The following IMPG1 variants were observed in gnomAD, a reference collection of about 807,000 sequenced individuals.
IMPG1 encodes interphotoreceptor matrix proteoglycan 1.
IMPG1 carries 85 observed loss-of-function variants against 92.0 expected under a neutral mutation model. That is an observed-to-expected ratio of 0.92 (90% CI 0.78 to 1.11). The LOEUF (loss-of-function observed/expected upper bound fraction) is 1.11, where lower values mean the gene tolerates loss of function less well. Ranked by LOEUF, IMPG1 falls within the 50% of genes least tolerant of loss-of-function variation. The pLI, the probability that IMPG1 is intolerant of heterozygous loss-of-function variation, is 0.00. For missense variants in IMPG1, 1,022 were observed against 956.0 expected, an observed-to-expected ratio of 1.07 and a Z score of -0.91; for synonymous variants, 367 against 334.1, an observed-to-expected ratio of 1.10 and a Z score of -1.08.
At chr6:76,064,611 G>T (rs980446150) in intron 1 of IMPG1, among the ~76,000 whole-genome samples, 21 of 152,082 alleles carry the variant, frequency 1.4e-4, no homozygotes, top group African/African-American at 5.1e-4. Context: ...CCTGCCATTG[G>T]GGTATCCAAG....
chr6:75,967,668 C>T (rs749925818), intron 12 of IMPG1, among the ~76,000 whole-genome samples: 4 of 151,862 alleles, frequency 2.6e-5, no homozygotes, highest in Non-Finnish European at 5.9e-5. Flanking sequence ...CAAAGGAAAG[C>T]TAAAGAAAAC....
intron 12 of IMPG1, among the ~76,000 whole-genome samples, chr6:75,955,912 G>A (rs1782112411): frequency 6.6e-6 from 1 of 152,172 alleles, no homozygotes; most frequent in South Asian, 2.1e-4. Flanking sequence ...TTATTGATTT[G>A]CGTATGTTGA....
chr6:75,970,495 T>C (rs1220484032), intron 12 of IMPG1, among the ~76,000 whole-genome samples: 4 of 152,174 alleles, frequency 2.6e-5, no homozygotes, highest in Non-Finnish European at 5.9e-5. Context: ...AAGAGCTCAG[T>C]CCCAATCATA....
intron 1 of IMPG1, among the ~76,000 whole-genome samples, chr6:76,065,444 C>G (rs1275392324): frequency 1.8e-4 from 28 of 151,934 alleles, no homozygotes; most frequent in Admixed American, 1.8e-3. Flanking sequence ...TTACAAAATG[C>G]TGTAAAAAGT....
intron 1 of IMPG1, among the ~76,000 whole-genome samples, chr6:76,069,853 C>T (rs367608707): frequency 6.6e-5 from 10 of 152,208 alleles, no homozygotes; most frequent in Middle Eastern, 3.4e-3. Flanking sequence ...AGCTGGAGAC[C>T]GCTATCCTAA....
intron 15 of IMPG1, among the ~76,000 whole-genome samples, chr6:75,924,199 T>G (rs572719774): frequency 6.6e-6 from 1 of 150,858 alleles, no homozygotes; most frequent in East Asian, 1.9e-4. Context: ...CTAAAGAAAT[T>G]AAAAATAGGA....
At chr6:75,951,370 AC>A (rs1782028358) in intron 12 of IMPG1, among the ~76,000 whole-genome samples, 1 of 152,118 alleles carries the variant, frequency 6.6e-6, no homozygotes, top group Admixed American at 6.6e-5. Flanking sequence ...GCACCAGTTA[AC>A]TAGAATTTCT....
At chr6:76,038,241 A>C (rs897441111) in intron 2 of IMPG1, among the ~76,000 whole-genome samples, 1 of 152,172 alleles carries the variant, frequency 6.6e-6, no homozygotes, top group African/African-American at 2.4e-5. Context: ...TCTTTCTCCT[A>C]CCACAGGACA....
intron 12 of IMPG1, among the ~76,000 whole-genome samples, chr6:75,960,727 T>C (rs1022350686): frequency 1.4e-4 from 22 of 152,202 alleles, no homozygotes; most frequent in African/African-American, 4.8e-4. Context: ...TTAGACATAG[T>C]AGTGACACAG....
intron 1 of IMPG1, among the ~76,000 whole-genome samples, chr6:76,057,475 C>T (rs77299793): frequency 6.6e-6 from 1 of 152,088 alleles, no homozygotes; most frequent in South Asian, 2.1e-4. Context: ...AGTGCTTCCT[C>T]AAAGTGGGGC....
At chr6:75,924,512 T>C (rs1208803148) in intron 15 of IMPG1, among the ~76,000 whole-genome samples, 2 of 71,040 alleles carry the variant, frequency 2.8e-5, no homozygotes, top group Non-Finnish European at 5.2e-5. Flanking sequence ...ATAATATAAT[T>C]AATATAATTA....
intron 15 of IMPG1, among the ~76,000 whole-genome samples, chr6:75,927,620 C>G (rs1026173074): frequency 1.3e-5 from 2 of 151,916 alleles, no homozygotes; most frequent in Non-Finnish European, 2.9e-5. Context: ...GGGGTTAATA[C>G]TTAACATTTA....
At chr6:75,995,327 T>C (rs575835802) in intron 12 of IMPG1, among the ~76,000 whole-genome samples, 1 of 152,322 alleles carries the variant, frequency 6.6e-6, no homozygotes, top group Admixed American at 6.5e-5. Context: ...TGAGGTGTCA[T>C]TGTTTTTCTT....
intron 12 of IMPG1, among the ~76,000 whole-genome samples, chr6:75,973,129 T>A (rs535399728): frequency 1.3e-5 from 2 of 152,144 alleles, no homozygotes; most frequent in Non-Finnish European, 2.9e-5. Flanking sequence ...GGGGACATAC[T>A]ATCATGCCTG....
At chr6:75,982,789 T>G (rs559894105) in intron 12 of IMPG1, among the ~76,000 whole-genome samples, 1 of 152,244 alleles carries the variant, frequency 6.6e-6, no homozygotes, top group East Asian at 1.9e-4. Context: ...GGTTCACATT[T>G]TGTAGCTATG....
intron 12 of IMPG1, among the ~76,000 whole-genome samples, chr6:75,980,865 T>C (rs1315532271): frequency 6.6e-6 from 1 of 152,214 alleles, no homozygotes; most frequent in African/African-American, 2.4e-5. Context: ...CTATTAGTTC[T>C]GTCCCTCTAG....
At chr6:76,029,923 C>A (rs1395549411) in intron 4 of IMPG1, among the ~76,000 whole-genome samples, 1 of 151,970 alleles carries the variant, frequency 6.6e-6, no homozygotes, top group Non-Finnish European at 1.5e-5. Context: ...GTCCATGTAA[C>A]CCCCCGAGAC....
chr6:75,999,210 T>A (rs1208698415), intron 12 of IMPG1, among the ~76,000 whole-genome samples: 1 of 151,296 alleles, frequency 6.6e-6, no homozygotes, highest in Non-Finnish European at 1.5e-5. Context: ...TGGCTTGGGA[T>A]CAGCTACTAC....
intron 2 of IMPG1, 57 bp from the exon 3 acceptor site, chr6:76,034,844 A>T: frequency 1.4e-6 from 2 of 1,442,406 alleles, no homozygotes. Context: ...ACCCAATCCC[A>T]AGCAAAGTCT....
Sources: gnomAD v4.1 joint callset for allele counts (sites outside exome capture counted in the v4.1 genomes callset) on GRCh38, gnomAD v4.1.1 for gene constraint, MANE v1.5 for transcripts, NCBI Gene and HGNC (gene_info 2026-07-23, HGNC 2026-07-21) for gene names.